The following CA10 variants were observed in gnomAD, a reference collection of about 807,000 sequenced individuals.
CA10 encodes carbonic anhydrase-related protein 10.
Under a neutral mutation model 44.2 loss-of-function variants are expected in CA10, and 14 were observed. The observed-to-expected ratio is 0.32, with a 90% CI of 0.21 to 0.50. CA10 has a LOEUF of 0.50. CA10 is among the 20% of genes least tolerant of loss of function. The probability of loss-of-function intolerance (pLI) is 0.99; values close to 1 mark genes in which losing one functional copy is unlikely to be tolerated. For missense variants in CA10, 350 were observed against 409.7 expected, an observed-to-expected ratio of 0.85 and a Z score of 1.26; for synonymous variants, 159 against 141.6, an observed-to-expected ratio of 1.12 and a Z score of -0.87.
chr17:51,722,647 A>T lies in CA10; in HGVS notation c.465+24986T>A, dbSNP rs1160909004. The stretch of plus-strand genomic sequence containing the variant: ...GGACTTTCATACAGTTTCTTATTTG[A>T]CACTCACATTAGCCTTGGGAGGACA... On this transcript the variant is annotated intron_variant, in intron 4 of 8. Transcript: ENST00000451037. Among the ~76,000 whole-genome samples, 3 of 152,198 alleles carry T rather than the reference A, an allele frequency of 2.0e-5. No homozygotes were observed. The East Asian group carries it at 5.8e-4, about 29-fold the overall frequency.
At chr17:52,092,204 A>G (rs142500916) in intron 1 of CA10, among the ~76,000 whole-genome samples, 1 of 152,070 alleles carries the variant, frequency 6.6e-6, no homozygotes, top group East Asian at 1.9e-4. Flanking sequence ...CATTCTCTGT[A>G]TAACATTCCT....
chr17:51,979,990 T>G (rs1342041414), intron 2 of CA10, among the ~76,000 whole-genome samples: 1 of 152,160 alleles, frequency 6.6e-6, no homozygotes, highest in East Asian at 1.9e-4. Context: ...GCAATGAAAG[T>G]TCACATGCAT....
intron 2 of CA10, among the ~76,000 whole-genome samples, chr17:52,005,104 C>T (rs879712661): frequency 5.9e-5 from 9 of 151,870 alleles, no homozygotes; most frequent in Admixed American, 5.3e-4. Context: ...CTCCAAAAAT[C>T]TCAAGTTGTG....
chr17:51,907,850 A>G (rs927498723), intron 3 of CA10, among the ~76,000 whole-genome samples: 3 of 152,056 alleles, frequency 2.0e-5, no homozygotes, highest in African/African-American at 4.8e-5. Flanking sequence ...GCCCTTTCCA[A>G]TGAACTTCCT....
At chr17:52,141,294 G>A (rs993175346) in intron 1 of CA10, among the ~76,000 whole-genome samples, 1 of 152,144 alleles carries the variant, frequency 6.6e-6, no homozygotes, top group Non-Finnish European at 1.5e-5. Context: ...AGTAGAAGGT[G>A]CTTGAAGCAT....
chr17:52,015,457 G>A (rs1421048894), intron 2 of CA10, among the ~76,000 whole-genome samples: 2 of 152,084 alleles, frequency 1.3e-5, no homozygotes, highest in Non-Finnish European at 2.9e-5. Flanking sequence ...ATGATGAGGA[G>A]AACACTGAAA....
intron 3 of CA10, among the ~76,000 whole-genome samples, chr17:51,873,492 A>C (rs1442378155): frequency 1.3e-5 from 2 of 152,204 alleles, no homozygotes; most frequent in Non-Finnish European, 2.9e-5. Flanking sequence ...TACATCTCCC[A>C]CACTCCCTTG....
At chr17:51,874,955 T>A (rs1053494335) in intron 3 of CA10, among the ~76,000 whole-genome samples, 1 of 82,838 alleles carries the variant, frequency 1.2e-5, no homozygotes, top group Non-Finnish European at 3.5e-5. Context: ...CTTCTGTTTT[T>A]TTTTCTTTTT....
intron 2 of CA10, among the ~76,000 whole-genome samples, chr17:51,934,961 G>T (rs1438687436): frequency 6.6e-6 from 1 of 152,120 alleles, no homozygotes; most frequent in African/African-American, 2.4e-5. Flanking sequence ...TGAAGTGCCT[G>T]TGCCTACTGG....
rs1912548043 is a variant in CA10, at chr17:51,631,046, C to G, written c.*538G>C. 1 of 147,898 alleles carries G rather than the reference C, an allele frequency of 6.8e-6. No homozygotes were observed. The highest frequency in any genetic ancestry group is 6.6e-5 in the Admixed American group (1 of 15,042). The allele number at this position is 147,898 out of a possible 1,614,324, so 9.2% of individuals were successfully genotyped here. A position where few individuals can be genotyped will look rare whatever the true frequency, so the allele number is the denominator to read the frequency against. The stretch of plus-strand genomic sequence containing the variant: ...AATAAGTGTCCTTGGTCAACTTTGT[C>G]CTGCTCACCTGCTACCAGCACCCTC... On this transcript the variant is annotated 3_prime_UTR_variant, in exon 9 of 9. Coordinates refer to ENST00000451037, the MANE Select transcript of CA10 (RefSeq NM_020178.5).
At chr17:52,143,302 CCA>C (rs1989519823) in intron 1 of CA10, among the ~76,000 whole-genome samples, 1 of 151,958 alleles carries the variant, frequency 6.6e-6, no homozygotes, top group Admixed American at 6.6e-5. Flanking sequence ...GAATTTTTGG[CCA>C]CACACAATAA....
At chr17:51,926,078 G>A (rs1359022468) in intron 3 of CA10, among the ~76,000 whole-genome samples, 2 of 152,190 alleles carry the variant, frequency 1.3e-5, no homozygotes, top group Admixed American at 1.3e-4. Flanking sequence ...CTTTAAAATG[G>A]TTAAAGAAAA....
intron 1 of CA10, among the ~76,000 whole-genome samples, chr17:52,091,305 A>C (rs1332330020): frequency 6.6e-6 from 1 of 152,084 alleles, no homozygotes; most frequent in Non-Finnish European, 1.5e-5. Context: ...ATGGTATAAA[A>C]ATTTTTAAAA....
At chr17:52,012,242 A>C (rs995215745) in intron 2 of CA10, among the ~76,000 whole-genome samples, 6 of 152,184 alleles carry the variant, frequency 3.9e-5, no homozygotes, top group African/African-American at 1.4e-4. Context: ...TAATTCTTAC[A>C]ACAACCTTAG....
intron 2 of CA10, among the ~76,000 whole-genome samples, chr17:51,984,863 TA>T (rs1436069975): frequency 4.6e-5 from 7 of 151,882 alleles, no homozygotes; most frequent in African/African-American, 1.7e-4. Context: ...ATTGAAATGG[TA>T]ATTTAAAAAT....
chr17:51,632,047 C>T (rs531315072), intron 8 of CA10, among the ~76,000 whole-genome samples: 1 of 152,158 alleles, frequency 6.6e-6, no homozygotes, highest in South Asian at 2.1e-4. Context: ...AGATCTAATC[C>T]AGCACAATAC....
rs190049197 is a variant in CA10 at position 51,901,706 on chromosome 17, C to T, written c.279+29284G>A. Among the ~76,000 whole-genome samples, 163 of 152,116 alleles carry T rather than the reference C, an allele frequency of 1.1e-3. 1 individual carries two copies. The highest frequency in any genetic ancestry group is 3.7e-3 in the African/African-American group (154 of 41,502). On this transcript the variant is annotated intron_variant, in intron 3 of 8. Coordinates refer to ENST00000451037, the MANE Select transcript of CA10 (RefSeq NM_020178.5). The stretch of plus-strand genomic sequence containing the variant: ...TAGTCTGGGTGACAGAGTGAGACTC[C>T]ATCTCAAAAGAAAACATTAGGTACA...
At chr17:52,046,749 A>G (rs1986923479) in intron 2 of CA10, among the ~76,000 whole-genome samples, 1 of 152,000 alleles carries the variant, frequency 6.6e-6, no homozygotes, top group South Asian at 2.1e-4. Flanking sequence ...AAACTTTTAG[A>G]CCAATATACC....
intron 4 of CA10, among the ~76,000 whole-genome samples, chr17:51,697,542 CCTTTG>C (rs1271827158): frequency 6.6e-6 from 1 of 152,148 alleles, no homozygotes; most frequent in Non-Finnish European, 1.5e-5. Context: ...CTCTCAAGAC[CCTTTG>C]CTTTGCTTTC....
Sources: allele counts gnomAD v4.1 joint callset (sites outside exome capture counted in the v4.1 genomes callset), GRCh38; gene constraint gnomAD v4.1.1; transcripts MANE v1.5; gene names NCBI Gene and HGNC (gene_info 2026-07-23, HGNC 2026-07-21).